Variants in ENTREP2 observed in about 807,000 individuals in gnomAD.
ENTREP2 encodes the protein endosomal transmembrane epsin interactor 2.
the ENTREP2 span, among the ~76,000 whole-genome samples, chr15:29,261,286 G>A: frequency 6.6e-5 from 10 of 152,222 alleles, no homozygotes; most frequent in Admixed American, 6.5e-4. Flanking sequence ...GCTGAGGAAG[G>A]AGGATCGCTT....
chr15:29,128,376 T>C, the ENTREP2 span, among the ~76,000 whole-genome samples: 1 of 152,082 alleles, frequency 6.6e-6, no homozygotes, highest in Non-Finnish European at 1.5e-5. Flanking sequence ...TGCACCCTCC[T>C]GCCAGCCGCC....
the ENTREP2 span, among the ~76,000 whole-genome samples, chr15:29,454,098 C>T: frequency 6.6e-6 from 1 of 152,156 alleles, no homozygotes; most frequent in Non-Finnish European, 1.5e-5. Context: ...ATTCATCCTC[C>T]AGCACTCACC....
the ENTREP2 span, among the ~76,000 whole-genome samples, chr15:29,377,409 G>C: frequency 6.6e-6 from 1 of 152,090 alleles, no homozygotes; most frequent in Admixed American, 6.5e-5. Context: ...ACGGATTGGA[G>C]AAGAGCCAGC....
chr15:29,357,233 G>T, the ENTREP2 span, among the ~76,000 whole-genome samples: 2 of 151,692 alleles, frequency 1.3e-5, no homozygotes, highest in Non-Finnish European at 2.9e-5. Context: ...ATTCTGTAGG[G>T]GAGAAAAAAA....
chr15:29,175,581 A>G, the ENTREP2 span, among the ~76,000 whole-genome samples: 5 of 152,206 alleles, frequency 3.3e-5, no homozygotes, highest in African/African-American at 1.2e-4. Flanking sequence ...CTGATGGGAC[A>G]GGAACGCTGA....
chr15:29,238,595 A>G, the ENTREP2 span, among the ~76,000 whole-genome samples: 2 of 152,066 alleles, frequency 1.3e-5, no homozygotes, highest in East Asian at 1.9e-4. Flanking sequence ...AGATCATGCC[A>G]CTGCAGTCCA....
At chr15:29,558,431 G>A in the ENTREP2 span, among the ~76,000 whole-genome samples, 5 of 151,652 alleles carry the variant, frequency 3.3e-5, no homozygotes, top group East Asian at 4.0e-4. Context: ...AAGCTGGCCC[G>A]CAGCACCCAG....
chr15:29,362,083 C>G, the ENTREP2 span, among the ~76,000 whole-genome samples: 1 of 152,172 alleles, frequency 6.6e-6, no homozygotes. Context: ...TCCAGAGGCA[C>G]ATCCCAGGGC....
At chr15:29,640,167 G>C in the ENTREP2 span, among the ~76,000 whole-genome samples, 1 of 152,108 alleles carries the variant, frequency 6.6e-6, no homozygotes, top group Non-Finnish European at 1.5e-5. Flanking sequence ...AATCAGAAAT[G>C]AATGAGAAGC....
the ENTREP2 span, among the ~76,000 whole-genome samples, chr15:29,551,371 C>T: frequency 8.3e-3 from 1,269 of 152,230 alleles, 21 homozygotes; most frequent in African/African-American, 0.029. Context: ...CACTGCCCAT[C>T]GGTGAGATTT....
chr15:29,204,167 T>C, the ENTREP2 span, among the ~76,000 whole-genome samples: 2 of 152,162 alleles, frequency 1.3e-5, no homozygotes, highest in Non-Finnish European at 1.5e-5. Context: ...AGTGTTCGGG[T>C]CATTGGGAAC....
chr15:29,332,887 GGGCGGA>G, the ENTREP2 span, among the ~76,000 whole-genome samples: 1 of 151,314 alleles, frequency 6.6e-6, no homozygotes, highest in Non-Finnish European at 1.5e-5. Context: ...TGAACCCACG[GGGCGGA>G]GGTTGCAGTG....
At chr15:29,129,147 T>C in the ENTREP2 span, among the ~76,000 whole-genome samples, 2 of 152,154 alleles carry the variant, frequency 1.3e-5, no homozygotes, top group African/African-American at 4.8e-5. Flanking sequence ...CACTGCAACA[T>C]CCGCTGCCCG....
the ENTREP2 span, among the ~76,000 whole-genome samples, chr15:29,196,989 A>C: frequency 2.0e-5 from 3 of 152,222 alleles, no homozygotes; most frequent in East Asian, 3.9e-4. Flanking sequence ...TCATCCATCA[A>C]GACCCAACTC....
the ENTREP2 span, among the ~76,000 whole-genome samples, chr15:29,213,681 G>C: frequency 6.6e-6 from 1 of 152,120 alleles, no homozygotes; most frequent in South Asian, 2.1e-4. Flanking sequence ...AGCTTAAGGA[G>C]ATTTTGGGCT....
At chr15:29,156,816 C>A in the ENTREP2 span, among the ~76,000 whole-genome samples, 1 of 152,126 alleles carries the variant, frequency 6.6e-6, no homozygotes, top group Non-Finnish European at 1.5e-5. Context: ...GGGAGAGAAG[C>A]AGTCTTAACG....
At chr15:29,179,072 G>C in the ENTREP2 span, among the ~76,000 whole-genome samples, 1 of 152,192 alleles carries the variant, frequency 6.6e-6, no homozygotes, top group Non-Finnish European at 1.5e-5. Context: ...ATGTTTATGG[G>C]AACCATTCTT....
At chr15:29,492,942 T>G in the ENTREP2 span, among the ~76,000 whole-genome samples, 7 of 150,974 alleles carry the variant, frequency 4.6e-5, no homozygotes, top group African/African-American at 1.7e-4. Flanking sequence ...AAGCGGAGGT[T>G]GCAGTGAGCT....
the ENTREP2 span, among the ~76,000 whole-genome samples, chr15:29,263,722 A>G: frequency 4.6e-5 from 7 of 152,182 alleles, no homozygotes; most frequent in African/African-American, 1.7e-4. Context: ...TAACTTCATC[A>G]CCTAGAGGGC....
Sources: gnomAD v4.1 joint callset for allele counts (sites outside exome capture counted in the v4.1 genomes callset) on GRCh38, gnomAD v4.1.1 for gene constraint, MANE v1.5 for transcripts, NCBI Gene and HGNC (gene_info 2026-07-23, HGNC 2026-07-21) for gene names.